Variants in NEMF observed in about 807,000 individuals in gnomAD.
NEMF encodes the protein ribosome quality control complex subunit NEMF.
In NEMF, 89 loss-of-function variants were observed where a neutral mutation model predicts 162.2. That is an observed-to-expected ratio of 0.55 (90% CI 0.46 to 0.65). The LOEUF is 0.65. Among genes scored for constraint, NEMF ranks in the 30% least tolerant of loss-of-function variants. The pLI is 0.00. For missense variants in NEMF, 1,133 were observed against 1,261.9 expected (o/e 0.90, Z 1.55); for synonymous variants, 421 against 404.5 (o/e 1.04, Z -0.49).
At chr14:49,785,180 C>T (rs752139469) in intron 30 of NEMF, 40 bp downstream of exon 30, 5 of 1,603,586 alleles carry the variant, frequency 3.1e-6, no homozygotes, top group Non-Finnish European at 4.3e-6. Context: ...CGTTACAAAA[C>T]AATTCACAAA....
At chr14:49,789,598 G>A (rs1362311571) in intron 26 of NEMF, 25 bp from the exon 27 acceptor site, 2 of 1,593,218 alleles carry the variant, frequency 1.3e-6, no homozygotes, top group East Asian at 2.2e-5. Context: ...GATTTTGGTT[G>A]GAAATATTCA....
At chr14:49,847,119 C>T (rs1893542277) in intron 3 of NEMF, among the ~76,000 whole-genome samples, 1 of 151,060 alleles carries the variant, frequency 6.6e-6, no homozygotes, top group Non-Finnish European at 1.5e-5. Context: ...GTTCTGACCT[C>T]GTGATCCGCC....
chr14:49,833,592 A>G (rs3100904), intron 7 of NEMF, 96 bp from the exon 8 acceptor site: 662,279 of 669,118 alleles, frequency 0.99, 328,091 homozygotes, highest in East Asian at 1. Context: ...AAGTGCTTAC[A>G]AAATAATGTT....
At position 49,783,040 on chromosome 14, in the gene NEMF, C is replaced by A; in HGVS notation, c.*1596G>T. The A allele has an allele frequency of 7.1e-7, 1 of 1,413,642 alleles. No individual in the cohort carries two copies. The highest frequency in any genetic ancestry group is 9.7e-7 in the Non-Finnish European group (1 of 1,034,906). 87.6% of individuals were successfully genotyped at this position (1,413,642 alleles called of 1,614,324 possible). On this transcript the variant is annotated 3_prime_UTR_variant, in exon 33 of 33. Coordinates refer to ENST00000298310, the MANE Select transcript of NEMF (RefSeq NM_004713.6). Reference sequence around the variant, plus strand: ...GTGGCATCATTTGTATAATTATATGCATTGTTGTAGTTTGCACCTGTTGGT... The same window carrying A: ...GTGGCATCATTTGTATAATTATATGAATTGTTGTAGTTTGCACCTGTTGGT...
chr14:49,792,096 T>C (rs1053386768), intron 26 of NEMF, among the ~76,000 whole-genome samples: 3 of 151,490 alleles, frequency 2.0e-5, no homozygotes, highest in African/African-American at 4.9e-5. Flanking sequence ...TGAGCCAAGA[T>C]TGCAACACTA....
At chr14:49,842,326 G>T (rs892793648) in intron 4 of NEMF, among the ~76,000 whole-genome samples, 1 of 152,104 alleles carries the variant, frequency 6.6e-6, no homozygotes, top group African/African-American at 2.4e-5. Context: ...CTAGAAAATG[G>T]AAGGCATATG....
chr14:49,821,943 C>G (rs1892084003), intron 16 of NEMF, among the ~76,000 whole-genome samples: 2 of 152,050 alleles, frequency 1.3e-5, no homozygotes, highest in Non-Finnish European at 2.9e-5. Context: ...ACATGGGAGA[C>G]TTTTCATTTT....
intron 18 of NEMF, among the ~76,000 whole-genome samples, chr14:49,808,990 G>A (rs1240994638): frequency 5.3e-5 from 8 of 152,236 alleles, no homozygotes; most frequent in Non-Finnish European, 1.2e-4. Flanking sequence ...AATACACTAT[G>A]CATCAATGAT....
In NEMF at chr14:49,818,142, CAGTGGCCCGATCTCGGCTCACTGCA is replaced by C. The variant is rs1253415642; in HGVS notation, c.1578-3310_1578-3286del. Among the ~76,000 whole-genome samples, 3 of 147,416 alleles carry C rather than the reference CAGTGGCCCGATCTCGGCTCACTGCA, an allele frequency of 2.0e-5. No individual in the cohort carries two copies. In the East Asian group the frequency reaches 6.0e-4, roughly 29 times the overall value. On this transcript the variant is annotated intron_variant, in intron 16 of 32. Coordinates refer to ENST00000298310, the MANE Select transcript of NEMF (RefSeq NM_004713.6). Reference sequence around the variant, plus strand: ...TCGCACTGTCACCCAGACTGGAGTGCAGTGGCCCGATCTCGGCTCACTGCAAGCTCCGCCTTCTGGGTTCACGCCA... The same window carrying C: ...TCGCACTGTCACCCAGACTGGAGTGCAGCTCCGCCTTCTGGGTTCACGCCA...
In NEMF at chr14:49,838,175, C is replaced by G; in HGVS notation, c.538G>C (p.Gly180Arg). ...LTEIVASAPK[G>R]ELLKRVLNPL... The stretch of plus-strand genomic sequence containing the variant: ...TTAAGCACCCTCTTCAGTAGTTCAC[C>G]CTTAGGTGCGCTGGCTACTATTTCA... Residue 180 changes from glycine (G) to arginine (R), a missense_variant, in exon 6 of 33, where the codon GGT becomes CGT. Gly to Arg is a moderately radical substitution (Grantham distance 125). Transcript: ENST00000298310. 6.2e-7 allele frequency: 1 copy of G among 1,613,882 alleles called. No homozygotes were observed. The highest frequency in any genetic ancestry group is 8.5e-7 in the Non-Finnish European group (1 of 1,179,842).
At chr14:49,822,896 T>C (rs1168569632) in intron 16 of NEMF, among the ~76,000 whole-genome samples, 4 of 151,554 alleles carry the variant, frequency 2.6e-5, no homozygotes, top group Admixed American at 6.6e-5. Context: ...TAACTTTTTG[T>C]TCTTGAGAGG....
At chr14:49,795,166 C>T (rs916259566) in intron 26 of NEMF, among the ~76,000 whole-genome samples, 3 of 151,904 alleles carry the variant, frequency 2.0e-5, no homozygotes, top group African/African-American at 7.3e-5. Flanking sequence ...TAGACCCCAT[C>T]GTTACAAAAA....
rs919559879 is a variant in NEMF, at chr14:49,783,699, G to C, written c.*937C>G. ...TTAAGATACTCTAACGTGCTATATT[G>C]GTAATTAATTACTAAAGGTGGAAAT... On this transcript the variant is annotated 3_prime_UTR_variant, in exon 33 of 33. Coordinates refer to ENST00000298310, the MANE Select transcript of NEMF (RefSeq NM_004713.6). The C allele has an allele frequency of 1.3e-4, 20 of 152,006 alleles. No homozygotes were observed. The highest frequency in any genetic ancestry group is 4.3e-4 in the African/African-American group (18 of 41,446). 9.4% of individuals were successfully genotyped at this position (152,006 alleles called of 1,614,324 possible).
intron 18 of NEMF, among the ~76,000 whole-genome samples, chr14:49,810,062 A>G (rs987594325): frequency 3.3e-5 from 5 of 151,566 alleles, no homozygotes; most frequent in African/African-American, 4.9e-5. Context: ...AAACTGGTCG[A>G]AAAAAATGTC....
chr14:49,838,579 T>G (rs866220978), intron 5 of NEMF, among the ~76,000 whole-genome samples: 33 of 151,378 alleles, frequency 2.2e-4, no homozygotes, highest in East Asian at 3.9e-4. Flanking sequence ...ACTTTTTTTT[T>G]GTTTGGTTTT....
At chr14:49,786,392 G>A (rs1890180738) in intron 29 of NEMF, 2 of 264,786 alleles carry the variant, frequency 7.6e-6, no homozygotes. Flanking sequence ...AGAATGCTTG[G>A]TGCTGAAGTA....
At chr14:49,799,441 A>C (rs773026114) in intron 25 of NEMF, 34 bp downstream of exon 25, 12 of 1,554,732 alleles carry the variant, frequency 7.7e-6, no homozygotes, top group Non-Finnish European at 9.6e-6. Context: ...AAAGAAAAAC[A>C]TGCTTTTTAG....
intron 4 of NEMF, among the ~76,000 whole-genome samples, chr14:49,844,131 A>C (rs1032328614): frequency 1.3e-5 from 2 of 151,608 alleles, no homozygotes; most frequent in African/African-American, 2.4e-5. Flanking sequence ...ACAAAAAAAA[A>C]ACCGCAGTCC....
intron 18 of NEMF, among the ~76,000 whole-genome samples, chr14:49,812,991 G>A (rs1254489049): frequency 6.6e-6 from 1 of 152,010 alleles, no homozygotes; most frequent in East Asian, 1.9e-4. Context: ...TAGCCAGGTT[G>A]GTCTCAACCT....
Sources: allele counts gnomAD v4.1 joint callset (sites outside exome capture counted in the v4.1 genomes callset), GRCh38; gene constraint gnomAD v4.1.1; transcripts MANE v1.5; gene names NCBI Gene and HGNC (gene_info 2026-07-23, HGNC 2026-07-21).